LSAMP: variants seen among roughly 807,000 people sequenced by gnomAD.
LSAMP encodes limbic system associated membrane protein, also known as limbic system-associated membrane protein.
LSAMP carries 7 observed loss-of-function variants against 38.6 expected under a neutral mutation model. The observed-to-expected ratio is 0.18, with a 90% CI of 0.10 to 0.34. LSAMP has a LOEUF of 0.34. Ranked by LOEUF, LSAMP falls within the 10% of genes least tolerant of loss-of-function variation. The pLI is 1.00. For synonymous variants in LSAMP, 154 were observed against 166.8 expected, an observed-to-expected ratio of 0.92 and a Z score of 0.59; for missense variants, 313 against 420.0, an observed-to-expected ratio of 0.75 and a Z score of 2.23.
rs569763805 is a variant in LSAMP at position 115,818,103 on chromosome 3, A to G, written c.920-7689T>C. Among the ~76,000 whole-genome samples the G allele has an allele frequency of 2.0e-5, 3 of 152,320 alleles. No individual in the cohort carries two copies. The East Asian group carries it at 5.8e-4, about 29-fold the overall frequency. On this transcript the variant is annotated intron_variant, in intron 6 of 6. Transcript: ENST00000490035. Reference sequence around the variant, plus strand: ...ATTTAGGGCTCCCACTTCTCTAGACAGAACCTAGTCCATTATTCCACAATA... The same window carrying G: ...ATTTAGGGCTCCCACTTCTCTAGACGGAACCTAGTCCATTATTCCACAATA...
chr3:116,434,591 G>C (rs1021384172), intron 1 of LSAMP, among the ~76,000 whole-genome samples: 2 of 152,142 alleles, frequency 1.3e-5, no homozygotes, highest in Admixed American at 1.3e-4. Context: ...GTCTTGCTCT[G>C]TTGCTAGACT....
At chr3:116,339,856 T>C (rs2047969639) in intron 1 of LSAMP, among the ~76,000 whole-genome samples, 1 of 152,002 alleles carries the variant, frequency 6.6e-6, no homozygotes, top group African/African-American at 2.4e-5. Flanking sequence ...ATATTACCAG[T>C]TACCAACCAC....
At chr3:116,185,244 T>C (rs1710586224) in intron 1 of LSAMP, among the ~76,000 whole-genome samples, 1 of 152,012 alleles carries the variant, frequency 6.6e-6, no homozygotes, top group Non-Finnish European at 1.5e-5. Flanking sequence ...AAACACCTAC[T>C]GTAGAATGTA....
chr3:116,402,003 T>C (rs940496816), intron 1 of LSAMP, among the ~76,000 whole-genome samples: 2 of 152,220 alleles, frequency 1.3e-5, no homozygotes, highest in Non-Finnish European at 2.9e-5. Flanking sequence ...TTATGAAGAA[T>C]ATTATTTCAT....
In LSAMP at chr3:115,917,444, T is replaced by C. The variant is rs538995280; in HGVS notation, c.515-64827A>G. Among the ~76,000 whole-genome samples the C allele has an allele frequency of 4.6e-5, 7 of 152,308 alleles. No homozygotes were observed. In the South Asian group the frequency reaches 1.4e-3, roughly 32 times the overall value. On this transcript the variant is annotated intron_variant, in intron 3 of 6. Coordinates refer to ENST00000490035, the MANE Select transcript of LSAMP (RefSeq NM_002338.5). Reference sequence around the variant, plus strand: ...TTCCTCTTTATCACTTTTCCAGAGGTAGCTCCATTACCACCCCTGATTCCT... The same window carrying C: ...TTCCTCTTTATCACTTTTCCAGAGGCAGCTCCATTACCACCCCTGATTCCT...
chr3:115,821,821 G>A lies in LSAMP; in HGVS notation c.920-11407C>T, dbSNP rs1442482533. Among the ~76,000 whole-genome samples the A allele has an allele frequency of 2.0e-5, 3 of 152,300 alleles. No individual in the cohort carries two copies. In the East Asian group the frequency reaches 5.8e-4, roughly 29 times the overall value. On this transcript the variant is annotated intron_variant, in intron 6 of 6. Coordinates refer to ENST00000490035, the MANE Select transcript of LSAMP (RefSeq NM_002338.5). ...AACAGAGGAGGAGATCATACCTGCT[G>A]CTGCTTCCTCACTGATGCCAAGGAC...
intron 3 of LSAMP, among the ~76,000 whole-genome samples, chr3:115,938,723 A>G (rs1335697927): frequency 6.6e-6 from 1 of 152,204 alleles, no homozygotes; most frequent in African/African-American, 2.4e-5. Flanking sequence ...AGACATGTCA[A>G]TATAGAAGGA....
chr3:116,306,984 G>A (rs1383404612), intron 1 of LSAMP, among the ~76,000 whole-genome samples: 3 of 151,982 alleles, frequency 2.0e-5, no homozygotes, highest in Non-Finnish European at 4.4e-5. Context: ...AGTGGGAAAT[G>A]AACCTTTGGA....
chr3:116,097,677 G>A (rs1384806108), intron 1 of LSAMP, among the ~76,000 whole-genome samples: 1 of 152,130 alleles, frequency 6.6e-6, no homozygotes, highest in African/African-American at 2.4e-5. Flanking sequence ...TTCCCTGGTA[G>A]AGGTAGAGGT....
rs1322325289 is a variant in LSAMP, at chr3:115,808,958, G to A, written c.*1359C>T. 1 of 152,140 alleles carries A rather than the reference G, an allele frequency of 6.6e-6. No homozygotes were observed. Among genetic ancestry groups the A allele is most frequent in the Non-Finnish European group, 1.5e-5 (1 of 68,026 alleles). The allele number at this position is 152,140 out of a possible 1,614,324, so 9.4% of individuals were successfully genotyped here. On this transcript the variant is annotated 3_prime_UTR_variant, in exon 7 of 7. Coordinates refer to ENST00000490035, the MANE Select transcript of LSAMP (RefSeq NM_002338.5). ...GCTCAGGGGAATTCATGGGACAAAT[G>A]TTATTTAAGATTAGGGAGGAGGTAA...
At chr3:116,190,088 G>GACACACACACAC (rs3071108) in intron 1 of LSAMP, among the ~76,000 whole-genome samples, 6,840 of 142,546 alleles carry the variant, frequency 0.048, 202 homozygotes, top group Admixed American at 0.11. Context: ...TCCAGTAGTA[G>GACACACACACAC]ACACACACAC....
At chr3:115,846,133 T>C (rs1261138559) in intron 4 of LSAMP, among the ~76,000 whole-genome samples, 2 of 152,184 alleles carry the variant, frequency 1.3e-5, no homozygotes, top group Non-Finnish European at 2.9e-5. Context: ...GCAGCATGCT[T>C]TGTGTAGTTA....
At chr3:116,002,766 G>A (rs1382703771) in intron 3 of LSAMP, among the ~76,000 whole-genome samples, 1 of 152,102 alleles carries the variant, frequency 6.6e-6, no homozygotes, top group Non-Finnish European at 1.5e-5. Flanking sequence ...TACTTTGGCT[G>A]CTTGCCTCTG....
At chr3:116,130,239 A>G (rs976627457) in intron 1 of LSAMP, among the ~76,000 whole-genome samples, 2 of 152,314 alleles carry the variant, frequency 1.3e-5, no homozygotes, top group Non-Finnish European at 2.9e-5. Context: ...CCTTATTTAC[A>G]AAATTGTCTG....
intron 1 of LSAMP, among the ~76,000 whole-genome samples, chr3:116,411,309 G>A (rs1191803322): frequency 8.6e-5 from 13 of 151,948 alleles, no homozygotes; most frequent in Non-Finnish European, 1.6e-4. Context: ...TCATGCTGCT[G>A]TAAAGACACA....
intron 3 of LSAMP, among the ~76,000 whole-genome samples, chr3:115,899,169 GAA>G (rs1936807298): frequency 6.6e-6 from 1 of 152,090 alleles, no homozygotes; most frequent in African/African-American, 2.4e-5. Flanking sequence ...AGGGTACAAA[GAA>G]TAACATTTTT....
chr3:116,056,980 T>A (rs1294381212), intron 2 of LSAMP, among the ~76,000 whole-genome samples: 1 of 152,166 alleles, frequency 6.6e-6, no homozygotes, highest in East Asian at 1.9e-4. Flanking sequence ...AAGGAATGTA[T>A]AGTAAAATTA....
chr3:116,057,692 A>T (rs967218866), intron 2 of LSAMP, among the ~76,000 whole-genome samples: 1 of 152,180 alleles, frequency 6.6e-6, no homozygotes, highest in Non-Finnish European at 1.5e-5. Context: ...CATTGTATGC[A>T]GAAGCACTTA....
At chr3:116,168,201 A>C (rs1400979800) in intron 1 of LSAMP, among the ~76,000 whole-genome samples, 3 of 152,214 alleles carry the variant, frequency 2.0e-5, no homozygotes, top group African/African-American at 7.2e-5. Flanking sequence ...TTTGGGAAAG[A>C]TATCTTGAAA....
Sources: allele counts gnomAD v4.1 joint callset (sites outside exome capture counted in the v4.1 genomes callset), GRCh38; gene constraint gnomAD v4.1.1; transcripts MANE v1.5; gene names NCBI Gene and HGNC (gene_info 2026-07-23, HGNC 2026-07-21).